Variants in SEC61A1 observed in about 807,000 individuals in gnomAD.
The protein encoded by SEC61A1 is protein transport protein Sec61 subunit alpha isoform 1.
A neutral mutation model predicts 55.2 loss-of-function variants in SEC61A1; 15 were observed. The ratio of observed to expected loss-of-function variants is 0.27; its 90% CI spans 0.18 to 0.42. SEC61A1 has a LOEUF of 0.42. Among genes scored for constraint, SEC61A1 ranks in the 10% least tolerant of loss-of-function variants. The probability of loss-of-function intolerance (pLI) is 1.00; values close to 1 mark genes in which losing one functional copy is unlikely to be tolerated. For missense variants in SEC61A1, 284 were observed against 602.6 expected, an observed-to-expected ratio of 0.47 and a Z score of 5.53; for synonymous variants, 247 against 234.0, an observed-to-expected ratio of 1.06 and a Z score of -0.51.
chr3:128,052,392 CCCCGCCCCG>C, upstream of SEC61A1: 1 of 1,196,548 alleles, frequency 8.4e-7, no homozygotes, highest in East Asian at 3.5e-5. Flanking sequence ...CCGGCCCCGG[CCCCGCCCCG>C]CGCCGCGCCG....
intron 2 of SEC61A1, among the ~76,000 whole-genome samples, chr3:128,054,023 G>T (rs996641232): frequency 2.8e-4 from 42 of 152,230 alleles, no homozygotes; most frequent in African/African-American, 9.9e-4. Context: ...TGGATGGGAG[G>T]TTATTAGATG....
At position 128,060,644 on chromosome 3, in the gene SEC61A1, C is replaced by T; in HGVS notation, c.599C>T (p.Thr200Ile). 6.2e-7 allele frequency: 1 copy of T among 1,614,202 alleles called. No homozygotes were observed. The change falls in exon 7 of 12, where the codon ACT becomes ATT. Residue 200 changes from threonine to isoleucine, a missense_variant. Transcript: ENST00000243253. ...TIVWKAFSPT[T>I]VNTGRGMEFE... ...GTATGGAAGGCATTCAGCCCCACTA[C>T]TGTCAACACTGGCCGAGGTAAGGGC...
upstream of SEC61A1, chr3:128,052,316 G>GGCGCGGCGCGGCGAA: frequency 2.7e-6 from 1 of 363,874 alleles, no homozygotes; most frequent in African/African-American, 2.2e-5. Flanking sequence ...TCGGCGAAGC[G>GGCGCGGCGCGGCGAA]GCGCGGCGCG....
intron 2 of SEC61A1, among the ~76,000 whole-genome samples, chr3:128,054,731 A>G (rs1315642025): frequency 6.6e-6 from 1 of 152,228 alleles, no homozygotes; most frequent in Non-Finnish European, 1.5e-5. Flanking sequence ...TAAGCCCTCT[A>G]AAGCCATTAA....
At chr3:128,054,874 G>C (rs556643260) in intron 2 of SEC61A1, among the ~76,000 whole-genome samples, 1 of 152,298 alleles carries the variant, frequency 6.6e-6, no homozygotes, top group East Asian at 1.9e-4. Flanking sequence ...ATACTTAATA[G>C]TCATCTTTAC....
Position 128,070,207 on chromosome 3 carries a change from T to TA in SEC61A1, c.*549dup, listed in dbSNP as rs1189328449. 6.6e-6 allele frequency: 1 copy of TA among 152,450 alleles called. No homozygotes were observed. Among genetic ancestry groups the TA allele is most frequent in the Non-Finnish European group, 1.5e-5 (1 of 68,126 alleles). 9.4% of individuals were successfully genotyped at this position (152,450 alleles called of 1,614,324 possible). ...AAGACACCATTGTTTTCCCTTATTT[T>TA]AAAAGTGATTTTTTTAAGGACAGAA... On this transcript the variant is annotated 3_prime_UTR_variant, in exon 12 of 12. Transcript: ENST00000243253.
intron 2 of SEC61A1, among the ~76,000 whole-genome samples, chr3:128,054,706 A>G (rs1941746266): frequency 6.6e-6 from 1 of 152,218 alleles, no homozygotes; most frequent in African/African-American, 2.4e-5. Flanking sequence ...CGTCTGTACA[A>G]TAATTAATGT....
At chr3:128,057,808 C>T (rs1458373796) in intron 5 of SEC61A1, among the ~76,000 whole-genome samples, 1 of 149,326 alleles carries the variant, frequency 6.7e-6, no homozygotes, top group Admixed American at 6.7e-5. Context: ...TGCAGTGAGC[C>T]GAGATAAAGC....
chr3:128,059,858 C>G (rs868845092), intron 5 of SEC61A1, among the ~76,000 whole-genome samples: 2 of 152,152 alleles, frequency 1.3e-5, no homozygotes, highest in African/African-American at 4.8e-5. Context: ...GACTAAAAAG[C>G]AAGTGAATCT....
At chr3:128,060,932 G>A (rs1015698363) in intron 7 of SEC61A1, among the ~76,000 whole-genome samples, 2 of 152,160 alleles carry the variant, frequency 1.3e-5, no homozygotes, top group East Asian at 1.9e-4. Context: ...TCTTAGCACA[G>A]TATAAGCTTA....
chr3:128,069,432 G>T, intron 11 of SEC61A1, 44 bp from the exon 12 acceptor site: 1 of 1,577,412 alleles, frequency 6.3e-7, no homozygotes. Context: ...GGCTCACGGG[G>T]AGCTCTGTGG....
chr3:128,056,202 G>C (rs1156539879), intron 4 of SEC61A1, among the ~76,000 whole-genome samples: 1 of 152,164 alleles, frequency 6.6e-6, no homozygotes, highest in Non-Finnish European at 1.5e-5. Context: ...GGAGGATTCT[G>C]AATGTGTAGG....
chr3:128,052,274 A>C (rs1941692106), upstream of SEC61A1: 2 of 258,560 alleles, frequency 7.7e-6, no homozygotes, highest in African/African-American at 2.3e-5. Context: ...GACAGGCCCC[A>C]GGAGCCCCGC....
intron 8 of SEC61A1, 137 bp from the exon 9 acceptor site, chr3:128,066,817 G>C (rs1055539554): frequency 1.3e-6 from 1 of 752,058 alleles, no homozygotes; most frequent in South Asian, 1.8e-5. Flanking sequence ...ACAAGCTCTC[G>C]GAACTGGGAG....
Position 128,069,670 on chromosome 3 carries a change from T to TC in SEC61A1, c.*11dup. 6.2e-7 allele frequency: 1 copy of TC among 1,613,436 alleles called. No homozygotes were observed. Among genetic ancestry groups the TC allele is most frequent in the Non-Finnish European group, 8.5e-7 (1 of 1,179,580 alleles). ...GGGGCCCTGCTCTTCTGAGCCCGTC[T>TC]CCCGGACAGGTTGAGGAAGCTGCTC... On this transcript the variant is annotated 3_prime_UTR_variant, in exon 12 of 12. Transcript: ENST00000243253.
Position 128,052,527 on chromosome 3 carries a change from G to A in SEC61A1, c.-26G>A, listed in dbSNP as rs1273219329. 1 of 1,595,092 alleles carries A rather than the reference G, an allele frequency of 6.3e-7. No individual in the cohort carries two copies. Among genetic ancestry groups the A allele is most frequent in the Non-Finnish European group, 8.5e-7 (1 of 1,171,828 alleles). On this transcript the variant is annotated 5_prime_UTR_variant, in exon 1 of 12. Coordinates refer to ENST00000243253, the MANE Select transcript of SEC61A1 (RefSeq NM_013336.4). ...GCGGAGCAGAGCTGAGCTGAAGCGGGACCCGGAGCCCGAGCAGCCGCCGCC... is the reference window on the plus strand; with the variant it reads ...GCGGAGCAGAGCTGAGCTGAAGCGGAACCCGGAGCCCGAGCAGCCGCCGCC...
At chr3:128,064,611 G>A (rs1327004216) in intron 7 of SEC61A1, among the ~76,000 whole-genome samples, 1 of 152,154 alleles carries the variant, frequency 6.6e-6, no homozygotes, top group East Asian at 1.9e-4. Context: ...CCACACCACT[G>A]CACTCTAGCC....
intron 7 of SEC61A1, among the ~76,000 whole-genome samples, chr3:128,063,962 C>T (rs1017878367): frequency 1.3e-5 from 2 of 152,214 alleles, no homozygotes; most frequent in Non-Finnish European, 2.9e-5. Flanking sequence ...TCCTATATCC[C>T]TCAGTCCCTC....
chr3:128,059,614 G>A (rs1016965935), intron 5 of SEC61A1, among the ~76,000 whole-genome samples: 4 of 152,100 alleles, frequency 2.6e-5, no homozygotes, highest in Non-Finnish European at 5.9e-5. Context: ...CTTTACCCCA[G>A]AGCTAATAAT....
Sources: gnomAD v4.1 joint callset for allele counts (sites outside exome capture counted in the v4.1 genomes callset) on GRCh38, gnomAD v4.1.1 for gene constraint, MANE v1.5 for transcripts, NCBI Gene and HGNC (gene_info 2026-07-23, HGNC 2026-07-21) for gene names.